BTLA: variants seen among roughly 807,000 people sequenced by gnomAD.
The protein encoded by BTLA is B and T lymphocyte associated.
In BTLA, 11 loss-of-function variants were observed where a neutral mutation model predicts 25.0. That is an observed-to-expected ratio of 0.44 (90% CI 0.28 to 0.73). The LOEUF (loss-of-function observed/expected upper bound fraction) is 0.73, where lower values mean the gene tolerates loss of function less well. BTLA is among the 30% of genes least tolerant of loss of function. BTLA has a pLI of 0.15. For missense variants in BTLA, 282 were observed against 332.8 expected (o/e 0.85, Z 1.19); for synonymous variants, 104 against 119.8 (o/e 0.87, Z 0.86).
chr3:112,470,018 G>C (rs1388486854), intron 3 of BTLA: 1 of 453,534 alleles, frequency 2.2e-6, no homozygotes, highest in African/African-American at 2.0e-5. Flanking sequence ...TAGCCCCATG[G>C]CATATCTAAA....
chr3:112,490,604 AACACACACAC>A (rs55894234), intron 1 of BTLA, among the ~76,000 whole-genome samples: 2 of 142,338 alleles, frequency 1.4e-5, no homozygotes, highest in Non-Finnish European at 1.5e-5. Flanking sequence ...TCCCTGGGTA[AACACACACAC>A]ACACACACAC....
chr3:112,497,707 T>A (rs1422212207), intron 1 of BTLA, among the ~76,000 whole-genome samples: 1 of 152,080 alleles, frequency 6.6e-6, no homozygotes, highest in African/African-American at 2.4e-5. Flanking sequence ...AACTAAGGAC[T>A]TTTTTACTTT....
chr3:112,473,456 A>G (rs571909149), intron 2 of BTLA, among the ~76,000 whole-genome samples: 197 of 152,252 alleles, frequency 1.3e-3, no homozygotes, highest in Non-Finnish European at 2.4e-3. Flanking sequence ...AGTCTGCACA[A>G]TGATATCTCT....
intron 3 of BTLA, 59 bp downstream of exon 3, chr3:112,471,153 C>T: frequency 6.5e-7 from 1 of 1,538,456 alleles, no homozygotes; most frequent in Admixed American, 2.0e-5. Flanking sequence ...CCTTTAGCCC[C>T]AGAAATAAGA....
At chr3:112,473,769 C>T (rs1016419293) in intron 2 of BTLA, among the ~76,000 whole-genome samples, 2 of 151,852 alleles carry the variant, frequency 1.3e-5, no homozygotes, top group Non-Finnish European at 2.9e-5. Context: ...CGCCTCCCAC[C>T]GTGCCCAGTT....
rs60258722 is a variant in BTLA at position 112,469,607 on chromosome 3, GTATATATATATATATATATATA to G, written c.594+129_594+150del. ...TTCACATTTTTAAAAATGGGTCTAT[GTATATATATATATATATATATA>G]TATATATATATATATATATAGTACA... On this transcript the variant is annotated intron_variant, in intron 4 of 4. Coordinates refer to ENST00000334529, the MANE Select transcript of BTLA (RefSeq NM_181780.4). 3.6e-4 allele frequency: 21 copies of G among 58,440 alleles called. 1 individual carries two copies. Among genetic ancestry groups the G allele is most frequent in the South Asian group, 7.7e-4 (1 of 1,296 alleles). 3.6% of individuals were successfully genotyped at this position (58,440 alleles called of 1,614,324 possible). A position where few individuals can be genotyped will look rare whatever the true frequency, so the allele number is the denominator to read the frequency against.
intron 1 of BTLA, among the ~76,000 whole-genome samples, chr3:112,497,530 G>A (rs943477641): frequency 6.6e-6 from 1 of 152,182 alleles, no homozygotes; most frequent in Non-Finnish European, 1.5e-5. Context: ...TTCATAGAGA[G>A]TAGTTTATGT....
chr3:112,495,672 C>T (rs2107341958), intron 1 of BTLA, among the ~76,000 whole-genome samples: 1 of 152,320 alleles, frequency 6.6e-6, no homozygotes, highest in Admixed American at 6.5e-5. Context: ...AGAGCTCTAT[C>T]TCTAGCATTC....
At position 112,466,334 on chromosome 3, in the gene BTLA, T is replaced by A; in HGVS notation, c.644A>T (p.Asn215Ile). Reference protein sequence around the residue: ...SEQTEASTRQNSQVLLSETGI... With the variant: ...SEQTEASTRQISQVLLSETGI... ...AGTTTCTGATAGCAGTACTTGGGAA[T>A]TTTGCCTGGTGCTTGCTTCTGTTTG... The change falls in exon 5 of 5, where the codon AAT becomes ATT. Residue 215 changes from asparagine (N) to isoleucine (I), a missense_variant. Asn to Ile is a moderately radical substitution (Grantham distance 149). Coordinates refer to ENST00000334529, the MANE Select transcript of BTLA (RefSeq NM_181780.4). 3 of 1,613,340 alleles carry A rather than the reference T, an allele frequency of 1.9e-6. No homozygotes were observed. The South Asian group carries it at 3.3e-5, about 18-fold the overall frequency.
At chr3:112,476,263 A>G (rs2082288268) in intron 2 of BTLA, among the ~76,000 whole-genome samples, 1 of 152,204 alleles carries the variant, frequency 6.6e-6, no homozygotes, top group Admixed American at 6.5e-5. Context: ...GATTTCTTCT[A>G]TATTTCATAA....
chr3:112,495,294 G>A (rs2082403363), intron 1 of BTLA, among the ~76,000 whole-genome samples: 1 of 152,106 alleles, frequency 6.6e-6, no homozygotes. Flanking sequence ...AAGGAAAAAA[G>A]AAAATGATTA....
chr3:112,480,351 C>T (rs2082311419), intron 1 of BTLA, among the ~76,000 whole-genome samples: 1 of 152,218 alleles, frequency 6.6e-6, no homozygotes, highest in Admixed American at 6.5e-5. Flanking sequence ...GTGAAATAAA[C>T]AGCCTTGTTG....
At position 112,469,762 on chromosome 3, in the gene BTLA, T is replaced by G. The variant is rs76844316; in HGVS notation, c.590A>C (p.Asn197Thr). Residue 197 changes from asparagine to threonine, a missense_variant, in exon 4 of 5, where the codon AAC becomes ACC. Physicochemically the swap from Asn to Thr is moderately conservative, Grantham distance 65. Transcript: ENST00000334529. ...CAACAGCTACATCAAGCTTACCAGG[T>G]TAATTTCCCTTCCTGCTGTGTCAGA... ...ELSDTAGREINLVDAHLKSEQ... is the reference protein window; with the variant it reads ...ELSDTAGREITLVDAHLKSEQ... 8.5e-3 allele frequency: 13,629 copies of G among 1,600,692 alleles called. 520 individuals are homozygous for G. In the Admixed American group the frequency reaches 0.086, roughly 10 times the overall value.
chr3:112,473,050 T>G (rs1400093517), intron 2 of BTLA, among the ~76,000 whole-genome samples: 1 of 152,004 alleles, frequency 6.6e-6, no homozygotes, highest in East Asian at 1.9e-4. Context: ...TTTACTTGAT[T>G]AGTTTGATCA....
At chr3:112,475,316 GC>G (rs2107316417) in intron 2 of BTLA, among the ~76,000 whole-genome samples, 1 of 152,166 alleles carries the variant, frequency 6.6e-6, no homozygotes, top group South Asian at 2.1e-4. Context: ...AACTGACAAG[GC>G]CCTTCATGTC....
Position 112,492,442 on chromosome 3 carries a change from A to T in BTLA, c.88+6829T>A, listed in dbSNP as rs564351245. On this transcript the variant is annotated intron_variant, in intron 1 of 4. Transcript: ENST00000334529. ...GAAGCTGTTGACAGTAGCATCAGTGAGTGCCTCTGGCATTTGATCAGAAAC... is the reference window on the plus strand; with the variant it reads ...GAAGCTGTTGACAGTAGCATCAGTGTGTGCCTCTGGCATTTGATCAGAAAC... 6.5e-4 allele frequency among the ~76,000 whole-genome samples: 99 copies of T among 152,332 alleles called. 1 individual carries two copies. Among genetic ancestry groups the T allele is most frequent in the Non-Finnish European group, 1.3e-3 (86 of 68,018 alleles).
Position 112,464,337 on chromosome 3 carries a change from A to G in BTLA, c.*1771T>C. The G allele has an allele frequency of 2.6e-6, 1 of 388,962 alleles. No homozygotes were observed. The highest frequency in any genetic ancestry group is 3.6e-5 in the East Asian group (1 of 27,612). 24.1% of individuals were successfully genotyped at this position (388,962 alleles called of 1,614,324 possible). A position where few individuals can be genotyped will look rare whatever the true frequency, so the allele number is the denominator to read the frequency against. On this transcript the variant is annotated 3_prime_UTR_variant, in exon 5 of 5. Coordinates refer to ENST00000334529, the MANE Select transcript of BTLA (RefSeq NM_181780.4). Reference sequence around the variant, plus strand: ...TGAGAGAATCATGAAGGAACTGTTCAATTTCGTGTGTTCATCTGATAAGAG... The same window carrying G: ...TGAGAGAATCATGAAGGAACTGTTCGATTTCGTGTGTTCATCTGATAAGAG...
chr3:112,484,036 G>C (rs1258260132), intron 1 of BTLA, among the ~76,000 whole-genome samples: 3 of 152,084 alleles, frequency 2.0e-5, no homozygotes. Flanking sequence ...CCGGGGCAAA[G>C]CTTCATGGAA....
chr3:112,497,644 A>G (rs972465523), intron 1 of BTLA, among the ~76,000 whole-genome samples: 7 of 152,112 alleles, frequency 4.6e-5, no homozygotes, highest in Non-Finnish European at 8.8e-5. Flanking sequence ...TCAACCATCT[A>G]AGCACCTAGT....
Sources: allele counts gnomAD v4.1 joint callset (sites outside exome capture counted in the v4.1 genomes callset), GRCh38; gene constraint gnomAD v4.1.1; transcripts MANE v1.5; gene names NCBI Gene and HGNC (gene_info 2026-07-23, HGNC 2026-07-21).